SCRN1: variants seen among roughly 807,000 people sequenced by gnomAD.
SCRN1 encodes the protein secernin-1.
Under a neutral mutation model 43.3 loss-of-function variants are expected in SCRN1, and 19 were observed. The observed-to-expected ratio is 0.44, with a 90% CI of 0.31 to 0.64. The LOEUF (loss-of-function observed/expected upper bound fraction) is 0.64, where lower values mean the gene tolerates loss of function less well. Among genes scored for constraint, SCRN1 ranks in the 30% least tolerant of loss-of-function variants. The pLI, the probability that SCRN1 is intolerant of heterozygous loss-of-function variation, is 0.09. For missense variants in SCRN1, 447 were observed against 524.1 expected (o/e 0.85, Z 1.44); for synonymous variants, 183 against 188.9 (o/e 0.97, Z 0.26).
chr7:29,937,028 AGAGC>A (rs1787362497), intron 5 of SCRN1, among the ~76,000 whole-genome samples: 1 of 152,202 alleles, frequency 6.6e-6, no homozygotes. Flanking sequence ...CCTGGGCGAC[AGAGC>A]GAGACTCTGT....
intron 7 of SCRN1, 149 bp from the exon 8 acceptor site, chr7:29,924,264 G>A (rs1661545372): frequency 1.4e-6 from 1 of 723,320 alleles, no homozygotes; most frequent in Non-Finnish European, 2.2e-6. Context: ...CGCAGGGATT[G>A]TTCTAGAATG....
At chr7:29,951,983 C>T (rs971639260) in intron 3 of SCRN1, among the ~76,000 whole-genome samples, 2 of 152,198 alleles carry the variant, frequency 1.3e-5, no homozygotes, top group African/African-American at 4.8e-5. Flanking sequence ...GTGAAATGGA[C>T]ATAGCCTGCT....
Position 29,926,585 on chromosome 7 carries a change from G to C in SCRN1, c.953C>G (p.Pro318Arg). Residue 318 changes from proline (P) to arginine (R), a missense_variant, in exon 7 of 8, where the codon CCC becomes CGC. Transcript: ENST00000242059. ...CCCAAAACAGGGAGACTGTGTTTTGGGGACAAGTTTTACGTCATCAACAAA... is the reference window on the plus strand; with the variant it reads ...CCCAAAACAGGGAGACTGTGTTTTGCGGACAAGTTTTACGTCATCAACAAA... The part of the protein sequence containing the change: ...FIFVDDVKLV[P>R]KTQSPCFGDD... 6.2e-7 allele frequency: 1 copy of C among 1,614,096 alleles called. No individual in the cohort carries two copies. The highest frequency in any genetic ancestry group is 8.5e-7 in the Non-Finnish European group (1 of 1,180,016).
chr7:29,955,124 G>A (rs2128093930), intron 3 of SCRN1, 55 bp downstream of exon 3: 1 of 1,479,476 alleles, frequency 6.8e-7, no homozygotes, highest in South Asian at 1.2e-5. Flanking sequence ...AATAAATCCT[G>A]TCCCCATTTC....
rs768088069 is a variant in SCRN1, at chr7:29,969,091, A to C, written c.-1-23T>G. On this transcript the variant is annotated intron_variant, in intron 1 of 7. Transcript: ENST00000242059. ...ATCCTGAAAAGAGAATGCCAGCAAG[A>C]GTGGAAGCAGGCCTCACATGGAACA... 6.2e-6 allele frequency: 10 copies of C among 1,604,756 alleles called. No individual in the cohort carries two copies. In the East Asian group the frequency reaches 1.6e-4, roughly 25 times the overall value.
At chr7:29,948,446 C>A (rs1787807043) in intron 3 of SCRN1, among the ~76,000 whole-genome samples, 2 of 152,224 alleles carry the variant, frequency 1.3e-5, no homozygotes, top group Admixed American at 1.3e-4. Flanking sequence ...GTGACTGAAC[C>A]TCCTTTTAAA....
chr7:29,957,645 G>A (rs763130509), intron 2 of SCRN1, among the ~76,000 whole-genome samples: 3 of 152,182 alleles, frequency 2.0e-5, no homozygotes, highest in Admixed American at 6.5e-5. Context: ...ATGGATGGCT[G>A]GAGAAATTAC....
intron 7 of SCRN1, 100 bp downstream of exon 7, chr7:29,926,352 G>A: frequency 4.7e-6 from 6 of 1,276,912 alleles, no homozygotes; most frequent in Non-Finnish European, 6.6e-6. Context: ...TGGATGGGTG[G>A]GGGTAGGGTC....
At chr7:29,970,207 T>C (rs1788624221) in intron 1 of SCRN1, among the ~76,000 whole-genome samples, 1 of 152,228 alleles carries the variant, frequency 6.6e-6, no homozygotes. Flanking sequence ...GCTCTTGGAA[T>C]AAAGACCAAA....
chr7:29,976,388 AG>A (rs1377104262), intron 1 of SCRN1, among the ~76,000 whole-genome samples: 1 of 152,240 alleles, frequency 6.6e-6, no homozygotes, highest in African/African-American at 2.4e-5. Flanking sequence ...TAAAACTCAT[AG>A]AAATAGAAAG....
chr7:29,936,639 G>A lies in SCRN1; in HGVS notation c.822C>T (p.Thr274=). 1 of 1,607,718 alleles carries A rather than the reference G, an allele frequency of 6.2e-7. No homozygotes were observed. The highest frequency in any genetic ancestry group is 8.5e-7 in the Non-Finnish European group (1 of 1,175,036). Residue 274 remains threonine (T), a synonymous_variant, in exon 6 of 8, where the codon ACC becomes ACT. Transcript: ENST00000242059. The stretch of plus-strand genomic sequence containing the variant: ...GCAGGACAGACACTCCACTGGCTGT[G>A]GTGAGGAAAAACTCAGAGTCTATGC... ...GVCIDSEFFL[T]TASGVSVLPQ...
intron 2 of SCRN1, among the ~76,000 whole-genome samples, chr7:29,958,092 C>T (rs1383129526): frequency 6.6e-6 from 1 of 152,144 alleles, no homozygotes; most frequent in African/African-American, 2.4e-5. Flanking sequence ...TCCTAAGCAC[C>T]AGACCGAAAG....
At chr7:29,946,277 C>A (rs1305445252) in intron 3 of SCRN1, among the ~76,000 whole-genome samples, 1 of 152,194 alleles carries the variant, frequency 6.6e-6, no homozygotes. Context: ...CAGAAGCAGG[C>A]ACTCATCTTA....
chr7:29,957,919 C>G (rs1017130599), intron 2 of SCRN1, among the ~76,000 whole-genome samples: 3 of 152,162 alleles, frequency 2.0e-5, no homozygotes, highest in African/African-American at 7.2e-5. Context: ...GGGCTTAATA[C>G]AGATTGCCTG....
intron 6 of SCRN1, among the ~76,000 whole-genome samples, chr7:29,929,478 C>T (rs2128086679): frequency 6.6e-6 from 1 of 152,370 alleles, no homozygotes; most frequent in East Asian, 1.9e-4. Context: ...CCATTTCACT[C>T]CTAAAACCTC....
intron 1 of SCRN1, among the ~76,000 whole-genome samples, chr7:29,971,790 CCT>C (rs1306993787): frequency 6.6e-6 from 1 of 152,080 alleles, no homozygotes; most frequent in Non-Finnish European, 1.5e-5. Flanking sequence ...TGTTTAGAAA[CCT>C]CTTTGTATGG....
At chr7:29,962,780 T>C (rs77580356) in intron 2 of SCRN1, among the ~76,000 whole-genome samples, 2,189 of 152,306 alleles carry the variant, frequency 0.014, 25 homozygotes, top group Non-Finnish European at 0.023. Flanking sequence ...AAGTTCTTAC[T>C]CTTCATAGTT....
At chr7:29,985,078 G>A (rs1789109192) in intron 1 of SCRN1, among the ~76,000 whole-genome samples, 1 of 143,802 alleles carries the variant, frequency 7.0e-6, no homozygotes, top group African/African-American at 2.6e-5. Context: ...AACCAGTGAA[G>A]TTGGTAGACA....
Position 29,939,649 on chromosome 7 carries a change from T to A in SCRN1, c.739+1033A>T, listed in dbSNP as rs192929033. Among the ~76,000 whole-genome samples, 661 of 152,296 alleles carry A rather than the reference T, an allele frequency of 4.3e-3. 3 individuals are homozygous for A. Among genetic ancestry groups the A allele is most frequent in the African/African-American group, 0.014 (596 of 41,554 alleles). On this transcript the variant is annotated intron_variant, in intron 5 of 7. Coordinates refer to ENST00000242059, the MANE Select transcript of SCRN1 (RefSeq NM_014766.5). ...TGGGTGTGGCTACAGTCCAATAAAA[T>A]TTTGTTTTTAAAACAGGCAGCTGCC...
Sources: allele counts gnomAD v4.1 joint callset (sites outside exome capture counted in the v4.1 genomes callset), GRCh38; gene constraint gnomAD v4.1.1; transcripts MANE v1.5; gene names NCBI Gene and HGNC (gene_info 2026-07-23, HGNC 2026-07-21).